Variants in RYR2 observed in about 807,000 individuals in gnomAD.
RYR2 encodes the protein cardiac muscle ryanodine receptor-calcium release channel.
RYR2 carries 227 observed loss-of-function variants against 601.1 expected under a neutral mutation model. That is an observed-to-expected ratio of 0.38 (90% confidence interval 0.34 to 0.42). The LOEUF is 0.42. Ranked by LOEUF, RYR2 falls within the 10% of genes least tolerant of loss-of-function variation. The pLI, the probability that RYR2 is intolerant of heterozygous loss-of-function variation, is 1.00. For missense variants in RYR2, 4,646 were observed against 6,156.5 expected, an observed-to-expected ratio of 0.75 and a Z score of 8.21; for synonymous variants, 2,223 against 2,175.1, an observed-to-expected ratio of 1.02 and a Z score of -0.61.
intron 26 of RYR2, among the ~76,000 whole-genome samples, chr1:237,550,240 TAA>T (rs1178263725): frequency 6.6e-6 from 1 of 152,218 alleles, no homozygotes; most frequent in African/African-American, 2.4e-5. Flanking sequence ...ATATGTTCTC[TAA>T]GTTTGTCCTT....
At chr1:237,141,356 C>T (rs1046772252) in intron 1 of RYR2, among the ~76,000 whole-genome samples, 5 of 152,128 alleles carry the variant, frequency 3.3e-5, no homozygotes, top group Non-Finnish European at 7.4e-5. Flanking sequence ...GAATTTTTAT[C>T]GTAAATGATG....
At chr1:237,613,426 T>A (rs1678106383) in intron 36 of RYR2, among the ~76,000 whole-genome samples, 1 of 152,198 alleles carries the variant, frequency 6.6e-6, no homozygotes, top group South Asian at 2.1e-4. Context: ...CAATGACATA[T>A]GAAAGAAATT....
intron 1 of RYR2, among the ~76,000 whole-genome samples, chr1:237,169,345 C>T (rs1677076286): frequency 6.6e-6 from 1 of 151,096 alleles, no homozygotes; most frequent in Admixed American, 6.6e-5. Context: ...TGTCGCCAGG[C>T]TGGAGTGCAG....
chr1:237,155,013 T>C (rs1043488818), intron 1 of RYR2, among the ~76,000 whole-genome samples: 1 of 152,108 alleles, frequency 6.6e-6, no homozygotes, highest in African/African-American at 2.4e-5. Context: ...CGCCAGTTGC[T>C]TTCCAAGCCT....
chr1:237,505,238 G>T (rs1665096919), intron 22 of RYR2, among the ~76,000 whole-genome samples: 1 of 152,124 alleles, frequency 6.6e-6, no homozygotes, highest in Non-Finnish European at 1.5e-5. Flanking sequence ...GTTAGCTGTT[G>T]TTCCTCTTTT....
rs1460724250 is a variant in RYR2, at chr1:237,331,512, C to CTTTTTTTTTTTTTTTTTT, written c.273+538_273+539insTTTTTTTTTTTTTTTTTT. On this transcript the variant is annotated intron_variant, in intron 3 of 104. Coordinates refer to ENST00000366574, the MANE Select transcript of RYR2 (RefSeq NM_001035.3). ...CTCTGAAAATTGAAATTTTTCTTTT[C>CTTTTTTTTTTTTTTTTTT]TTTTTTTTGAGATGGAGTCTGGCTC... Among the ~76,000 whole-genome samples the CTTTTTTTTTTTTTTTTTT allele has an allele frequency of 2.6e-3, 389 of 150,558 alleles. 8 individuals carry two copies. Among genetic ancestry groups the CTTTTTTTTTTTTTTTTTT allele is most frequent in the African/African-American group, 9.3e-3 (378 of 40,428 alleles).
intron 1 of RYR2, among the ~76,000 whole-genome samples, chr1:237,189,938 T>A (rs2148993253): frequency 6.6e-6 from 1 of 152,072 alleles, no homozygotes; most frequent in East Asian, 1.9e-4. Flanking sequence ...AGTGGCGTGA[T>A]CTTAGCTCAC....
intron 9 of RYR2, 117 bp downstream of exon 9, chr1:237,387,497 C>A: frequency 1.2e-6 from 1 of 855,412 alleles, no homozygotes; most frequent in South Asian, 1.6e-5. Flanking sequence ...TCTAAATATT[C>A]TGTAATGCAG....
At chr1:237,283,458 C>A (rs543039328) in intron 2 of RYR2, among the ~76,000 whole-genome samples, 5 of 152,320 alleles carry the variant, frequency 3.3e-5, no homozygotes, top group Non-Finnish European at 7.3e-5. Context: ...CACCTGCAGG[C>A]AGAGACAGCC....
Position 237,588,726 on chromosome 1 carries a change from G to A in RYR2, c.3599-1067G>A, listed in dbSNP as rs567062147. ...CGTGCACCTGTAGTCTCAGCTACTCGGGAGGCTGTGGCTGGAGAATCACTT... is the reference window on the plus strand; with the variant it reads ...CGTGCACCTGTAGTCTCAGCTACTCAGGAGGCTGTGGCTGGAGAATCACTT... On this transcript the variant is annotated intron_variant, in intron 29 of 104. Coordinates refer to ENST00000366574, the MANE Select transcript of RYR2 (RefSeq NM_001035.3). Among the ~76,000 whole-genome samples, 34 of 152,180 alleles carry A rather than the reference G, an allele frequency of 2.2e-4. No homozygotes were observed. In the South Asian group the frequency reaches 5.0e-3, roughly 22 times the overall value.
chr1:237,284,683 T>TCACACAC lies in RYR2; in HGVS notation c.168+14067_168+14068insCACACAC, dbSNP rs141656042. On this transcript the variant is annotated intron_variant, in intron 2 of 104. Transcript: ENST00000366574. The stretch of plus-strand genomic sequence containing the variant: ...ATTCCACCATATATATATATATATG[T>TCACACAC]ACACACACACACACCCATAAACACC... Among the ~76,000 whole-genome samples, 303 of 143,548 alleles carry TCACACAC rather than the reference T, an allele frequency of 2.1e-3. 4 individuals carry two copies. The highest frequency in any genetic ancestry group is 5.4e-3 in the African/African-American group (207 of 38,396). The allele number at this position is 143,548 out of a possible 152,430, so 94.2% of individuals were successfully genotyped here.
chr1:237,511,349 AC>A (rs1264888095), intron 23 of RYR2, among the ~76,000 whole-genome samples: 2 of 151,244 alleles, frequency 1.3e-5, no homozygotes, highest in Non-Finnish European at 2.9e-5. Context: ...TCCTAATTAG[AC>A]AAGTGGGCAG....
chr1:237,621,465 G>C (rs1032862262), intron 38 of RYR2, among the ~76,000 whole-genome samples: 1 of 151,976 alleles, frequency 6.6e-6, no homozygotes, highest in Non-Finnish European at 1.5e-5. Context: ...GGATCCAAAA[G>C]CTGGTTTTTA....
At chr1:237,312,163 T>C (rs1213039670) in intron 2 of RYR2, among the ~76,000 whole-genome samples, 1 of 152,144 alleles carries the variant, frequency 6.6e-6, no homozygotes, top group East Asian at 1.9e-4. Flanking sequence ...GAGGTGGTTA[T>C]GAAGGGTGTT....
chr1:237,772,316 A>G (rs1229992321), intron 86 of RYR2, among the ~76,000 whole-genome samples: 1 of 152,146 alleles, frequency 6.6e-6, no homozygotes, highest in Non-Finnish European at 1.5e-5. Context: ...TATTTCTGTA[A>G]GTAGAGATTT....
intron 10 of RYR2, among the ~76,000 whole-genome samples, chr1:237,404,683 C>T (rs2149957562): frequency 6.6e-6 from 1 of 152,194 alleles, no homozygotes; most frequent in Non-Finnish European, 1.5e-5. Context: ...TTTGACAAAG[C>T]TGAAAGAATG....
chr1:237,112,407 C>T (rs1374302562), intron 1 of RYR2, among the ~76,000 whole-genome samples: 2 of 152,158 alleles, frequency 1.3e-5, no homozygotes, highest in Non-Finnish European at 1.5e-5. Flanking sequence ...AGCCACCGTG[C>T]CCGGCCCCCT....
intron 1 of RYR2, among the ~76,000 whole-genome samples, chr1:237,096,227 A>G (rs1287871645): frequency 6.6e-6 from 1 of 152,216 alleles, no homozygotes; most frequent in African/African-American, 2.4e-5. Context: ...CACTGCAGAA[A>G]GAGTGCTGTC....
intron 1 of RYR2, among the ~76,000 whole-genome samples, chr1:237,255,865 G>GTA (rs1207940018): frequency 8.6e-5 from 13 of 151,890 alleles, no homozygotes; most frequent in Admixed American, 3.3e-4. Flanking sequence ...GTGTGTGTGT[G>GTA]TGTGTGTGAG....
Sources: allele counts gnomAD v4.1 joint callset (sites outside exome capture counted in the v4.1 genomes callset), GRCh38; gene constraint gnomAD v4.1.1; transcripts MANE v1.5; gene names NCBI Gene and HGNC (gene_info 2026-07-23, HGNC 2026-07-21).